POLA1: variants seen among roughly 807,000 people sequenced by gnomAD.
POLA1 encodes DNA polymerase alpha 1, catalytic subunit, also known as DNA polymerase alpha catalytic subunit.
In POLA1, 15 loss-of-function variants were observed where a neutral mutation model predicts 124.0. The ratio of observed to expected loss-of-function variants is 0.12; its 90% CI spans 0.08 to 0.19. The LOEUF (loss-of-function observed/expected upper bound fraction) is 0.19, where lower values mean the gene tolerates loss of function less well. Among genes scored for constraint, POLA1 ranks in the 10% least tolerant of loss-of-function variants. The pLI is 1.00. For synonymous variants in POLA1, 408 were observed against 389.4 expected, an observed-to-expected ratio of 1.05 and a Z score of -0.56; for missense variants, 886 against 1,103.4, an observed-to-expected ratio of 0.80 and a Z score of 2.79.
intron 26 of POLA1, among the ~76,000 whole-genome samples, chrX:24,801,162 T>C (rs757113184): frequency 8.9e-6 from 1 of 112,375 alleles, no homozygotes; most frequent in African/African-American, 3.2e-5. Flanking sequence ...CTTGAGTGAA[T>C]ATTTGTTTAT....
intron 26 of POLA1, among the ~76,000 whole-genome samples, chrX:24,754,614 A>T (rs930604478): frequency 9.0e-6 from 1 of 111,451 alleles, no homozygotes; most frequent in East Asian, 2.8e-4. Context: ...TATTATAGAG[A>T]CAACTAAAGA....
chrX:24,981,481 A>G, intron 36 of POLA1, among the ~76,000 whole-genome samples: 1 of 112,705 alleles, frequency 8.9e-6, no homozygotes, highest in Non-Finnish European at 1.9e-5. Context: ...ACAAATTCCA[A>G]TTACTTTTCT....
chrX:24,731,602 TG>T (rs922718994), intron 15 of POLA1, among the ~76,000 whole-genome samples: 1 of 111,630 alleles, frequency 9.0e-6, no homozygotes, highest in Non-Finnish European at 1.9e-5. Context: ...GAGACATTTT[TG>T]GTTGTCACAA....
At chrX:24,952,538 G>C (rs1306631891) in intron 36 of POLA1, among the ~76,000 whole-genome samples, 1 of 111,600 alleles carries the variant, frequency 9.0e-6, no homozygotes, top group Non-Finnish European at 1.9e-5. Context: ...AAAAGCAGAA[G>C]GGAAAAAAAA....
intron 36 of POLA1, among the ~76,000 whole-genome samples, chrX:24,951,125 T>C (rs1043607164): frequency 1.1e-4 from 12 of 110,594 alleles, no homozygotes; most frequent in Non-Finnish European, 2.1e-4. Flanking sequence ...ACTTCTGTTT[T>C]GCCCTGTGAT....
chrX:24,992,939 G>A (rs1045483818), intron 36 of POLA1, among the ~76,000 whole-genome samples: 2 of 112,358 alleles, frequency 1.8e-5, no homozygotes, highest in Admixed American at 1.9e-4. Context: ...TTTTAAATGA[G>A]CAGTTCATTT....
intron 18 of POLA1, among the ~76,000 whole-genome samples, chrX:24,737,007 A>G (rs1489528645): frequency 8.9e-6 from 1 of 112,240 alleles, no homozygotes; most frequent in African/African-American, 3.2e-5. Flanking sequence ...CGGAAATGAA[A>G]AATCTAGTTG....
At chrX:24,781,515 T>C (rs1347071704) in intron 26 of POLA1, among the ~76,000 whole-genome samples, 2 of 112,035 alleles carry the variant, frequency 1.8e-5, no homozygotes, top group Non-Finnish European at 1.9e-5. Context: ...GGATCTCATA[T>C]GGAATAACCC....
chrX:24,706,172 A>C (rs1928789441), intron 4 of POLA1, among the ~76,000 whole-genome samples: 1 of 112,174 alleles, frequency 8.9e-6, no homozygotes, highest in South Asian at 3.7e-4. Context: ...TAAAAGATTT[A>C]CTGTTCTAAT....
chrX:24,926,105 C>G (rs904817183), intron 35 of POLA1, among the ~76,000 whole-genome samples: 33 of 106,926 alleles, frequency 3.1e-4, no homozygotes, highest in African/African-American at 1.1e-3. Context: ...ACATGGGAGG[C>G]TTAGGTGGGA....
At chrX:24,795,206 T>C (rs770741742) in intron 26 of POLA1, among the ~76,000 whole-genome samples, 1 of 111,165 alleles carries the variant, frequency 9.0e-6, no homozygotes, top group Non-Finnish European at 1.9e-5. Flanking sequence ...TGGAGAATTA[T>C]TCTGTTAGTC....
intron 36 of POLA1, among the ~76,000 whole-genome samples, chrX:24,968,772 T>C (rs1223668270): frequency 9.1e-6 from 1 of 110,001 alleles, no homozygotes; most frequent in African/African-American, 3.3e-5. Flanking sequence ...CATTTCTTCC[T>C]CTCCAAGCGT....
At chrX:24,915,397 A>G (rs188761691) in intron 35 of POLA1, among the ~76,000 whole-genome samples, 47 of 111,903 alleles carry the variant, frequency 4.2e-4, no homozygotes, top group African/African-American at 1.5e-3. Flanking sequence ...TAAATTCTTG[A>G]TACACTTTGT....
chrX:24,761,899 A>G (rs953650251), intron 26 of POLA1, among the ~76,000 whole-genome samples: 1 of 112,110 alleles, frequency 8.9e-6, no homozygotes, highest in African/African-American at 3.2e-5. Context: ...AACTAGAGCT[A>G]GAGCTTGGGA....
At chrX:24,770,682 C>T (rs1267922582) in intron 26 of POLA1, among the ~76,000 whole-genome samples, 1 of 111,201 alleles carries the variant, frequency 9.0e-6, no homozygotes, top group African/African-American at 3.3e-5. Flanking sequence ...CCTTTCCTTA[C>T]CCCCATCTCT....
At chrX:24,825,633 A>G (rs1203851761) in intron 31 of POLA1, among the ~76,000 whole-genome samples, 1 of 112,189 alleles carries the variant, frequency 8.9e-6, no homozygotes, top group Admixed American at 9.5e-5. Context: ...CATCATTCAC[A>G]AGGCTGGATA....
At chrX:24,817,175 T>C (rs919500757) in intron 30 of POLA1, among the ~76,000 whole-genome samples, 3 of 112,069 alleles carry the variant, frequency 2.7e-5, no homozygotes, top group Non-Finnish European at 5.6e-5. Context: ...TCAGTAAGCA[T>C]TGAAAGAATT....
intron 30 of POLA1, among the ~76,000 whole-genome samples, chrX:24,816,281 G>A (rs1433807592): frequency 8.9e-6 from 1 of 112,390 alleles, no homozygotes; most frequent in Non-Finnish European, 1.9e-5. Flanking sequence ...TAGTGGTGAT[G>A]ATATTTAAAT....
intron 36 of POLA1, among the ~76,000 whole-genome samples, chrX:24,985,249 C>CAGCT (rs1187474783): frequency 8.9e-6 from 1 of 112,584 alleles, no homozygotes; most frequent in Non-Finnish European, 1.9e-5. Flanking sequence ...GTCTCCTTTG[C>CAGCT]AGCTATTCAA....
Sources: allele counts gnomAD v4.1 joint callset (sites outside exome capture counted in the v4.1 genomes callset), GRCh38; gene constraint gnomAD v4.1.1; transcripts MANE v1.5; gene names NCBI Gene and HGNC (gene_info 2026-07-23, HGNC 2026-07-21).